The following KCNN2 variants were observed in gnomAD, a reference collection of about 807,000 sequenced individuals.
KCNN2 encodes the protein small conductance calcium-activated potassium channel protein 2.
A neutral mutation model predicts 55.5 loss-of-function variants in KCNN2; 24 were observed. The ratio of observed to expected loss-of-function variants is 0.43; its 90% CI spans 0.31 to 0.61. The LOEUF (loss-of-function observed/expected upper bound fraction) is 0.61. KCNN2 is among the 20% of genes least tolerant of loss of function. The pLI is 0.08. For synonymous variants in KCNN2, 431 were observed against 336.1 expected, an observed-to-expected ratio of 1.28 and a Z score of -3.09; for missense variants, 754 against 853.6, an observed-to-expected ratio of 0.88 and a Z score of 1.45.
intron 1 of KCNN2, among the ~76,000 whole-genome samples, chr5:114,064,840 T>C (rs2112515855): frequency 6.6e-6 from 1 of 152,304 alleles, no homozygotes; most frequent in African/African-American, 2.4e-5. Flanking sequence ...TTGTTATTAA[T>C]TTCATTAATA....
Position 114,405,996 on chromosome 5 carries a change from C to A in KCNN2, c.1637+1140C>A, listed in dbSNP as rs536033198. Among the ~76,000 whole-genome samples the A allele has an allele frequency of 1.1e-4, 17 of 151,500 alleles. No individual in the cohort carries two copies. In the East Asian group the frequency reaches 2.5e-3, roughly 22 times the overall value. On this transcript the variant is annotated intron_variant, in intron 3 of 7. Transcript: ENST00000673685. ...AAGTGCTGGGATTACAGGCGTGAGC[C>A]ACCGCACCAGGCCGAATATTTTTTT...
intron 4 of KCNN2, among the ~76,000 whole-genome samples, chr5:114,470,417 A>G (rs1244363683): frequency 6.6e-6 from 1 of 152,124 alleles, no homozygotes; most frequent in East Asian, 1.9e-4. Context: ...AGTACCTAGG[A>G]GCATATCTAC....
At position 114,242,590 on chromosome 5, in the gene KCNN2, A is replaced by G. The variant is rs553079401; in HGVS notation, c.-185+21025A>G. Among the ~76,000 whole-genome samples, 24 of 152,288 alleles carry G rather than the reference A, an allele frequency of 1.6e-4. 1 individual carries two copies. The South Asian group carries it at 4.1e-3, about 26-fold the overall frequency. ...TAGTCCTTGGGAAGACCAGTGTTCT[A>G]TGTATTTATTTTGAACTCGCGAATA... On this transcript the variant is annotated intron_variant, in intron 2 of 10. Transcript: ENST00000512097.
intron 3 of KCNN2, among the ~76,000 whole-genome samples, chr5:114,416,483 C>A (rs932731101): frequency 6.6e-6 from 1 of 152,116 alleles, no homozygotes; most frequent in Non-Finnish European, 1.5e-5. Flanking sequence ...GCTGCTTGAC[C>A]AAATGATCAC....
At chr5:114,140,502 T>G (rs890335320) in intron 1 of KCNN2, among the ~76,000 whole-genome samples, 2 of 152,172 alleles carry the variant, frequency 1.3e-5, no homozygotes, top group Admixed American at 1.3e-4. Context: ...AATATTTAAG[T>G]CATCATCTAC....
intron 4 of KCNN2, among the ~76,000 whole-genome samples, chr5:114,464,837 CTGTT>C (rs66700173): frequency 0.97 from 147,048 of 151,758 alleles, 71,418 homozygotes; most frequent in East Asian, 1. Flanking sequence ...GCTGCATTAT[CTGTT>C]TGTTTACTAT....
chr5:114,078,653 A>G (rs1750733796), intron 1 of KCNN2, among the ~76,000 whole-genome samples: 1 of 152,158 alleles, frequency 6.6e-6, no homozygotes, highest in African/African-American at 2.4e-5. Flanking sequence ...AAAGGTGGAG[A>G]TGGCTGTATG....
At chr5:114,176,096 G>C (rs1753125750) in intron 1 of KCNN2, among the ~76,000 whole-genome samples, 1 of 152,222 alleles carries the variant, frequency 6.6e-6, no homozygotes, top group Non-Finnish European at 1.5e-5. Flanking sequence ...CTTGACCTCA[G>C]CACTGATGAC....
At chr5:114,345,052 A>G (rs1219580252) in intron 2 of KCNN2, among the ~76,000 whole-genome samples, 1 of 152,198 alleles carries the variant, frequency 6.6e-6, no homozygotes. Flanking sequence ...TTTGTTCTGC[A>G]AAACACTGGA....
intron 2 of KCNN2, among the ~76,000 whole-genome samples, chr5:114,237,286 A>ACG (rs1414972414): frequency 1.4e-5 from 2 of 146,670 alleles, no homozygotes; most frequent in Non-Finnish European, 3.0e-5. Context: ...ACACACACAC[A>ACG]CACACTCACA....
chr5:114,457,113 A>T (rs1186532954), intron 3 of KCNN2, among the ~76,000 whole-genome samples: 1 of 152,202 alleles, frequency 6.6e-6, no homozygotes, highest in Non-Finnish European at 1.5e-5. Context: ...CTATAGATAA[A>T]TCTTTCCTGA....
intron 1 of KCNN2, among the ~76,000 whole-genome samples, chr5:114,211,724 G>C (rs116203963): frequency 0.014 from 2,189 of 152,074 alleles, 45 homozygotes; most frequent in African/African-American, 0.049. Context: ...AGATGTTACA[G>C]TAATTGACAC....
At chr5:114,168,766 A>G (rs923973573) in intron 1 of KCNN2, among the ~76,000 whole-genome samples, 1 of 152,050 alleles carries the variant, frequency 6.6e-6, no homozygotes, top group Non-Finnish European at 1.5e-5. Flanking sequence ...CTTAATTATT[A>G]ATGATATATG....
chr5:114,439,941 C>A (rs1760147075), intron 3 of KCNN2, among the ~76,000 whole-genome samples: 1 of 152,092 alleles, frequency 6.6e-6, no homozygotes, highest in Non-Finnish European at 1.5e-5. Flanking sequence ...GCATTTAAAT[C>A]CCTGGTGGGT....
chr5:114,449,036 G>A (rs1244573940), intron 3 of KCNN2, among the ~76,000 whole-genome samples: 1 of 152,140 alleles, frequency 6.6e-6, no homozygotes, highest in Admixed American at 6.5e-5. Context: ...GCTAGTGTTG[G>A]TAGGAGAGGC....
At chr5:114,169,452 T>C (rs2112541224) in intron 1 of KCNN2, among the ~76,000 whole-genome samples, 1 of 152,054 alleles carries the variant, frequency 6.6e-6, no homozygotes, top group African/African-American at 2.4e-5. Flanking sequence ...GAATTTCCCA[T>C]AAGAAAAAAG....
chr5:114,344,263 G>T (rs766799409), intron 2 of KCNN2, among the ~76,000 whole-genome samples: 30 of 152,186 alleles, frequency 2.0e-4, no homozygotes, highest in Non-Finnish European at 1.9e-4. Context: ...CTGCAAATAT[G>T]AGGGGTTCCC....
intron 1 of KCNN2, among the ~76,000 whole-genome samples, chr5:114,207,829 G>A (rs1362410028): frequency 6.6e-6 from 1 of 152,170 alleles, no homozygotes; most frequent in African/African-American, 2.4e-5. Flanking sequence ...TTTACATGCC[G>A]AGAGACATGT....
intron 1 of KCNN2, among the ~76,000 whole-genome samples, chr5:114,136,188 A>T (rs549951674): frequency 1.8e-4 from 28 of 152,360 alleles, no homozygotes; most frequent in African/African-American, 6.5e-4. Context: ...AGGTGGGAAC[A>T]CTAAGAGGTG....
Sources: gnomAD v4.1 joint callset for allele counts (sites outside exome capture counted in the v4.1 genomes callset) on GRCh38, gnomAD v4.1.1 for gene constraint, MANE v1.5 for transcripts, NCBI Gene and HGNC (gene_info 2026-07-23, HGNC 2026-07-21) for gene names.